ADGRA3: variants seen among roughly 807,000 people sequenced by gnomAD.
ADGRA3 encodes the protein adhesion G protein-coupled receptor A3.
Under a neutral mutation model 119.8 loss-of-function variants are expected in ADGRA3, and 56 were observed. The ratio of observed to expected loss-of-function variants is 0.47; its 90% confidence interval spans 0.38 to 0.58. The LOEUF is 0.58. ADGRA3 is among the 20% of genes least tolerant of loss of function. ADGRA3 has a pLI of 0.00. For missense variants in ADGRA3, 1,516 were observed against 1,649.0 expected (o/e 0.92, Z 1.40); for synonymous variants, 607 against 623.8 (o/e 0.97, Z 0.40).
At chr4:22,446,908 G>A (rs1009388195) in intron 5 of ADGRA3, among the ~76,000 whole-genome samples, 2 of 150,410 alleles carry the variant, frequency 1.3e-5, no homozygotes, top group African/African-American at 5.0e-5. Context: ...AAAACTGGGG[G>A]AAAAAAAATC....
chr4:22,453,760 C>T (rs1717146571), intron 4 of ADGRA3, among the ~76,000 whole-genome samples: 1 of 152,092 alleles, frequency 6.6e-6, no homozygotes, highest in Non-Finnish European at 1.5e-5. Context: ...GTTCTAAGCC[C>T]CTATCTGCTT....
chr4:22,392,616 T>G lies in ADGRA3; in HGVS notation c.2556A>C (p.Lys852Asn), dbSNP rs117922332. ...ATCTTTTAGCTTTTTTAGTGACTTG[T>G]TTGTAGATATTTCGAGCTGTCACTC... ...WVGVTARNIY[K>N]QVTKKAKRCQ... The change falls in exon 17 of 19, where the codon AAA becomes AAC. Residue 852 changes from lysine to asparagine, a missense_variant. This residue lies in a region of ADGRA3 where 1,088 missense variants were observed against 1,107.1 expected (regional missense o/e 0.98). Coordinates refer to ENST00000334304, the MANE Select transcript of ADGRA3 (RefSeq NM_145290.4). 5.0e-3 allele frequency: 8,054 copies of G among 1,614,012 alleles called. 191 individuals carry two copies. In the East Asian group the frequency reaches 0.069, roughly 14 times the overall value.
chr4:22,412,717 T>G (rs1452873664), intron 14 of ADGRA3, among the ~76,000 whole-genome samples: 1 of 152,208 alleles, frequency 6.6e-6, no homozygotes, highest in African/African-American at 2.4e-5. Flanking sequence ...TCACTTGCAA[T>G]GACAAAAATG....
chr4:22,397,380 C>T (rs1714407519), intron 16 of ADGRA3, among the ~76,000 whole-genome samples: 1 of 151,914 alleles, frequency 6.6e-6, no homozygotes, highest in South Asian at 2.1e-4. Context: ...TGGGGTTTCA[C>T]CATGTTGGCC....
intron 10 of ADGRA3, among the ~76,000 whole-genome samples, chr4:22,424,826 CT>C (rs1715865858): frequency 6.6e-6 from 1 of 152,172 alleles, no homozygotes. Flanking sequence ...AATCCCAGCA[CT>C]TTGGGAGGCC....
chr4:22,417,617 C>G (rs1428066639), intron 12 of ADGRA3, among the ~76,000 whole-genome samples: 4 of 152,174 alleles, frequency 2.6e-5, no homozygotes, highest in Non-Finnish European at 4.4e-5. Flanking sequence ...TGTCTGGCTA[C>G]AGAGAGACCA....
At chr4:22,421,881 C>CAAAAAAAAAAAAAAAAAAAAAAAAAAAA (rs754845592) in intron 11 of ADGRA3, among the ~76,000 whole-genome samples, 1 of 70,442 alleles carries the variant, frequency 1.4e-5, no homozygotes. Flanking sequence ...ACTCAGTCTC[C>CAAAAAAAAAAAAAAAAAAAAAAAAAAAA]AAAAAAAAAA....
At chr4:22,449,660 A>G (rs1716961503) in intron 4 of ADGRA3, among the ~76,000 whole-genome samples, 1 of 152,132 alleles carries the variant, frequency 6.6e-6, no homozygotes, top group Non-Finnish European at 1.5e-5. Context: ...CAGCCTGGCC[A>G]ACAGGTGAAA....
intron 1 of ADGRA3, among the ~76,000 whole-genome samples, chr4:22,497,698 C>T (rs1344213085): frequency 1.3e-5 from 2 of 148,840 alleles, no homozygotes; most frequent in Admixed American, 1.4e-4. Flanking sequence ...TGGCGGGCGC[C>T]TATAATCCCA....
chr4:22,503,892 T>C (rs1719140865), intron 1 of ADGRA3, among the ~76,000 whole-genome samples: 2 of 152,154 alleles, frequency 1.3e-5, no homozygotes, highest in Non-Finnish European at 2.9e-5. Flanking sequence ...AGGGGCACAT[T>C]TATTCTTCTT....
At chr4:22,447,959 T>A (rs1716888919) in intron 4 of ADGRA3, among the ~76,000 whole-genome samples, 2 of 152,128 alleles carry the variant, frequency 1.3e-5, no homozygotes, top group African/African-American at 4.8e-5. Flanking sequence ...ATACTAAACA[T>A]GACTGAAAAT....
At chr4:22,453,812 CT>C (rs1717150376) in intron 4 of ADGRA3, among the ~76,000 whole-genome samples, 1 of 151,996 alleles carries the variant, frequency 6.6e-6, no homozygotes, top group South Asian at 2.1e-4. Flanking sequence ...AGTAATCAGC[CT>C]TATGTCTAAT....
intron 7 of ADGRA3, among the ~76,000 whole-genome samples, chr4:22,440,945 AT>A (rs1361723974): frequency 6.6e-6 from 1 of 152,216 alleles, no homozygotes; most frequent in Non-Finnish European, 1.5e-5. Flanking sequence ...AGTAGCTCAT[AT>A]TAAATCACCC....
rs146572733 is a variant in ADGRA3, at chr4:22,479,936, G to A, written c.258-6093C>T. ...CTCACGTTCTCACTTATAAGTGGGA[G>A]TTGAACAATGAAAACACATGGACAC... On this transcript the variant is annotated intron_variant, in intron 1 of 18. Coordinates refer to ENST00000334304, the MANE Select transcript of ADGRA3 (RefSeq NM_145290.4). Among the ~76,000 whole-genome samples, 358 of 152,222 alleles carry A rather than the reference G, an allele frequency of 2.4e-3. 1 individual carries two copies. The highest frequency in any genetic ancestry group is 8.0e-3 in the African/African-American group (333 of 41,546).
chr4:22,430,713 A>G (rs993406978), intron 10 of ADGRA3, among the ~76,000 whole-genome samples: 1 of 152,160 alleles, frequency 6.6e-6, no homozygotes, highest in South Asian at 2.1e-4. Context: ...AGAAATTTGC[A>G]TAAGTAACAA....
intron 5 of ADGRA3, among the ~76,000 whole-genome samples, chr4:22,447,173 A>C (rs1167682263): frequency 1.3e-5 from 2 of 152,154 alleles, no homozygotes; most frequent in Non-Finnish European, 2.9e-5. Flanking sequence ...TTTGAAAAAA[A>C]AGTCAAAAAG....
chr4:22,509,777 G>A lies in ADGRA3; in HGVS notation c.257+5751C>T, dbSNP rs1429357166. Among the ~76,000 whole-genome samples, 6 of 152,036 alleles carry A rather than the reference G, an allele frequency of 3.9e-5. 1 individual carries two copies. The highest frequency in any genetic ancestry group is 3.9e-4 in the East Asian group (2 of 5,102). Reference sequence around the variant, plus strand: ...TGTAATCCCAGCACTTTGGGAGGCCGAGGCGGGCGGATCACGAGGTCAGGA... The same window carrying A: ...TGTAATCCCAGCACTTTGGGAGGCCAAGGCGGGCGGATCACGAGGTCAGGA... On this transcript the variant is annotated intron_variant, in intron 1 of 18. Coordinates refer to ENST00000334304, the MANE Select transcript of ADGRA3 (RefSeq NM_145290.4).
chr4:22,490,667 T>C (rs1291005429), intron 1 of ADGRA3, among the ~76,000 whole-genome samples: 1 of 152,182 alleles, frequency 6.6e-6, no homozygotes, highest in Admixed American at 6.5e-5. Flanking sequence ...AATTTCAATG[T>C]TGCTGAAAAG....
intron 1 of ADGRA3, among the ~76,000 whole-genome samples, chr4:22,476,697 G>A (rs1302432866): frequency 6.7e-6 from 1 of 149,862 alleles, no homozygotes; most frequent in East Asian, 2.0e-4. Context: ...ACGTAGTCTT[G>A]CTCTTGCTGC....
Sources: allele counts gnomAD v4.1 joint callset (sites outside exome capture counted in the v4.1 genomes callset), GRCh38; gene constraint gnomAD v4.1.1; regional missense constraint gnomAD v4.1.1; transcripts MANE v1.5; gene names NCBI Gene and HGNC (gene_info 2026-07-23, HGNC 2026-07-21).